The following PNPLA8 variants were observed in gnomAD, a reference collection of about 807,000 sequenced individuals.
PNPLA8 encodes patatin like domain 8, phospholipase A2, also known as calcium-independent phospholipase A2-gamma.
In PNPLA8, 39 loss-of-function variants were observed where a neutral mutation model predicts 76.9. That is an observed-to-expected ratio of 0.51 (90% CI 0.39 to 0.66). The LOEUF (loss-of-function observed/expected upper bound fraction) is 0.66, where lower values mean the gene tolerates loss of function less well. Among genes scored for constraint, PNPLA8 ranks in the 30% least tolerant of loss-of-function variants. The probability of loss-of-function intolerance (pLI) is 0.00; values close to 1 mark genes in which losing one functional copy is unlikely to be tolerated. For missense variants in PNPLA8, 887 were observed against 918.0 expected (o/e 0.97, Z 0.44); for synonymous variants, 301 against 307.9 (o/e 0.98, Z 0.24).
At chr7:108,481,644 T>G (rs1860403949) in intron 9 of PNPLA8, among the ~76,000 whole-genome samples, 1 of 152,234 alleles carries the variant, frequency 6.6e-6, no homozygotes, top group Non-Finnish European at 1.5e-5. Context: ...TCTCCTCATC[T>G]TCTTGGCAGT....
Position 108,472,184 on chromosome 7 carries a change from T to C in PNPLA8, c.*217A>G, listed in dbSNP as rs1373144309. On this transcript the variant is annotated 3_prime_UTR_variant, in exon 11 of 11. Coordinates refer to ENST00000257694, the MANE Select transcript of PNPLA8 (RefSeq NM_001256007.3). ...ACAGTAAGGGTTACTAAAGCTTAGC[T>C]AATTATTAACATCTTAAAAGCCTAG... The C allele has an allele frequency of 4.8e-6, 2 of 418,138 alleles. No homozygotes were observed. The highest frequency in any genetic ancestry group is 8.7e-5 in the Admixed American group (2 of 22,932). 25.9% of individuals were successfully genotyped at this position (418,138 alleles called of 1,614,324 possible).
In PNPLA8 at chr7:108,514,278, T is replaced by A. The variant is rs1168700423; in HGVS notation, c.1072A>T (p.Ser358Cys). The stretch of plus-strand genomic sequence containing the variant: ...AATGCCCGGGTCCTGTTATCAATAC[T>A]CACCCTTGCGATAATCTACAAAGAC... The part of the protein sequence containing the change: ...LQREKIIARV[S>C]IDNRTRALVQ... Residue 358 changes from serine to cysteine, a missense_variant, in exon 4 of 11, where the codon AGT (serine) becomes TGT (cysteine). Ser to Cys is a moderately radical substitution (Grantham distance 112). Coordinates refer to ENST00000257694, the MANE Select transcript of PNPLA8 (RefSeq NM_001256007.3). 3.7e-6 allele frequency: 6 copies of A among 1,611,426 alleles called. No homozygotes were observed.
At chr7:108,513,503 GTATC>G (rs1295979671) in intron 4 of PNPLA8, among the ~76,000 whole-genome samples, 1 of 151,952 alleles carries the variant, frequency 6.6e-6, no homozygotes, top group African/African-American at 2.4e-5. Flanking sequence ...AATGTAAGCA[GTATC>G]TATCATTATG....
At chr7:108,496,504 A>G (rs958071797) in intron 7 of PNPLA8, 80 bp downstream of exon 7, 1 of 795,864 alleles carries the variant, frequency 1.3e-6, no homozygotes, top group African/African-American at 1.8e-5. Context: ...AATATAATTT[A>G]ATATTGACAT....
At chr7:108,519,523 A>T (rs1346529098) in intron 2 of PNPLA8, among the ~76,000 whole-genome samples, 1 of 152,182 alleles carries the variant, frequency 6.6e-6, no homozygotes, top group African/African-American at 2.4e-5. Context: ...TGGAACTGAG[A>T]ACCTATTCCA....
chr7:108,477,685 C>T (rs540822323), intron 10 of PNPLA8, among the ~76,000 whole-genome samples: 1 of 151,874 alleles, frequency 6.6e-6, no homozygotes, highest in Admixed American at 6.6e-5. Flanking sequence ...CACAGGGAGA[C>T]CCCATCTCTA....
rs564657557 is a variant in PNPLA8 at position 108,476,271 on chromosome 7, T to A, written c.2074+2913A>T. On this transcript the variant is annotated intron_variant, in intron 10 of 10. Transcript: ENST00000257694. ...GAGTGCAGGTACACTGAGGCAACAT[T>A]TCATGTTTCTTGAAAATTCCAAATA... is the stretch of plus-strand genomic sequence containing the variant. Among the ~76,000 whole-genome samples the A allele has an allele frequency of 2.6e-5, 4 of 152,326 alleles. No homozygotes were observed. The East Asian group carries it at 7.7e-4, about 29-fold the overall frequency.
intron 4 of PNPLA8, among the ~76,000 whole-genome samples, chr7:108,511,793 G>C (rs772891888): frequency 6.6e-6 from 1 of 152,004 alleles, no homozygotes; most frequent in Non-Finnish European, 1.5e-5. Flanking sequence ...GATATAGAAA[G>C]GTATACATTA....
At chr7:108,484,042 T>C (rs1319854117) in intron 9 of PNPLA8, among the ~76,000 whole-genome samples, 1 of 152,152 alleles carries the variant, frequency 6.6e-6, no homozygotes, top group Non-Finnish European at 1.5e-5. Flanking sequence ...TAAAAGCCTA[T>C]ATAAGGATGA....
At chr7:108,474,687 T>G (rs1009336414) in intron 10 of PNPLA8, among the ~76,000 whole-genome samples, 2 of 152,212 alleles carry the variant, frequency 1.3e-5, no homozygotes, top group Non-Finnish European at 2.9e-5. Context: ...TTGAAAAGAC[T>G]GTCCTTTCCC....
chr7:108,514,906 T>C lies in PNPLA8; in HGVS notation c.586A>G (p.Ile196Val). ...KRSLFHYTSSITTKFGDSFYF... is the reference protein window; with the variant it reads ...KRSLFHYTSSVTTKFGDSFYF... The stretch of plus-strand genomic sequence containing the variant: ...AATGAGTCTCCAAATTTTGTGGTTA[T>C]AGAACTTGTGTAATGAAAAAGACTG... The change falls in exon 3 of 11, where the codon ATA (isoleucine) becomes GTA (valine). Residue 196 changes from isoleucine (I) to valine (V), a missense_variant. Coordinates refer to ENST00000257694, the MANE Select transcript of PNPLA8 (RefSeq NM_001256007.3). 6.2e-7 allele frequency: 1 copy of C among 1,609,678 alleles called. No homozygotes were observed.
At chr7:108,485,388 T>A (rs1860675589) in intron 9 of PNPLA8, among the ~76,000 whole-genome samples, 1 of 152,066 alleles carries the variant, frequency 6.6e-6, no homozygotes, top group South Asian at 2.1e-4. Flanking sequence ...GGCAAATGAA[T>A]CTCCCCATTC....
chr7:108,485,247 T>C (rs1382136097), intron 9 of PNPLA8, among the ~76,000 whole-genome samples: 1 of 152,262 alleles, frequency 6.6e-6, no homozygotes, highest in South Asian at 2.1e-4. Context: ...TCCATGTACA[T>C]ATTATGCTAC....
In PNPLA8 at chr7:108,472,506, A is replaced by T; in HGVS notation, c.2244T>A (p.Val748=). The change falls in exon 11 of 11, where the codon GTT becomes GTA. Residue 748 remains valine, a synonymous_variant. Transcript: ENST00000257694. ...TTTTTTCTTGACTTAATATTTTTGC[A>T]ACTTTTTTCATTTTTTGTTCATTTC... is the stretch of plus-strand genomic sequence containing the variant. ...IERNEQKMKK[V]AKILSQEKTT... 2 of 1,609,992 alleles carry T rather than the reference A, an allele frequency of 1.2e-6. No homozygotes were observed. The highest frequency in any genetic ancestry group is 2.2e-5 in the South Asian group (2 of 89,652).
chr7:108,484,326 T>G (rs1278960378), intron 9 of PNPLA8, among the ~76,000 whole-genome samples: 1 of 152,206 alleles, frequency 6.6e-6, no homozygotes, highest in Non-Finnish European at 1.5e-5. Context: ...ATGGCTATTC[T>G]ATCAGTAGGT....
At position 108,526,106 on chromosome 7, in the gene PNPLA8, T is replaced by G. The variant is rs929275520; in HGVS notation, c.-207A>C. The G allele has an allele frequency of 1.0e-6, 1 of 985,610 alleles. No homozygotes were observed. Among genetic ancestry groups the G allele is most frequent in the Non-Finnish European group, 1.2e-6 (1 of 829,938 alleles). 61.1% of individuals were successfully genotyped at this position (985,610 alleles called of 1,614,324 possible). Reference sequence around the variant, plus strand: ...GCAATGACGTCCACTCCAACCGGCCTGCATCAGCTGAGCTTCCAACACAAA... The same window carrying G: ...GCAATGACGTCCACTCCAACCGGCCGGCATCAGCTGAGCTTCCAACACAAA... On this transcript the variant is annotated 5_prime_UTR_variant, in exon 1 of 11. Coordinates refer to ENST00000257694, the MANE Select transcript of PNPLA8 (RefSeq NM_001256007.3).
At chr7:108,508,806 T>G (rs1447295302) in intron 4 of PNPLA8, among the ~76,000 whole-genome samples, 1 of 151,282 alleles carries the variant, frequency 6.6e-6, no homozygotes, top group Non-Finnish European at 1.5e-5. Flanking sequence ...CAAAACAGCA[T>G]GGTACTGGTA....
intron 4 of PNPLA8, among the ~76,000 whole-genome samples, chr7:108,505,756 T>C (rs1862373929): frequency 6.6e-6 from 1 of 151,982 alleles, no homozygotes; most frequent in Admixed American, 6.6e-5. Flanking sequence ...TGGACAAAAT[T>C]AAGAATATCT....
intron 4 of PNPLA8, chr7:108,510,243 T>C (rs1194235713): frequency 2.1e-6 from 3 of 1,457,524 alleles, no homozygotes; most frequent in East Asian, 2.3e-5. Flanking sequence ...ATGGTGGGTG[T>C]AGAAGAGAAG....
Sources: gnomAD v4.1 joint callset for allele counts (sites outside exome capture counted in the v4.1 genomes callset) on GRCh38, gnomAD v4.1.1 for gene constraint, MANE v1.5 for transcripts, NCBI Gene and HGNC (gene_info 2026-07-23, HGNC 2026-07-21) for gene names.